Variants in HS2ST1 observed in about 807,000 individuals in gnomAD.
The protein encoded by HS2ST1 is heparan sulfate 2-O-sulfotransferase 1, also known as 2-O-sulfotransferase.
Under a neutral mutation model 42.9 loss-of-function variants are expected in HS2ST1, and 18 were observed. That is an observed-to-expected ratio of 0.42 (90% CI 0.29 to 0.62). The LOEUF is 0.62. Among genes scored for constraint, HS2ST1 ranks in the 20% least tolerant of loss-of-function variants. The pLI, the probability that HS2ST1 is intolerant of heterozygous loss-of-function variation, is 0.21. For synonymous variants in HS2ST1, 146 were observed against 152.9 expected (o/e 0.95, Z 0.33); for missense variants, 334 against 433.8 (o/e 0.77, Z 2.04).
At chr1:87,078,322 T>G (rs1465218213) in intron 2 of HS2ST1, among the ~76,000 whole-genome samples, 1 of 152,224 alleles carries the variant, frequency 6.6e-6, no homozygotes, top group Non-Finnish European at 1.5e-5. Flanking sequence ...AACATCAGTT[T>G]AGGTCTGATT....
intron 1 of HS2ST1, among the ~76,000 whole-genome samples, chr1:86,998,462 T>C (rs1308336126): frequency 6.6e-6 from 1 of 152,234 alleles, no homozygotes; most frequent in Non-Finnish European, 1.5e-5. Context: ...AGCAATACAC[T>C]GAGCGAATTT....
At chr1:87,023,601 T>C (rs1650006622) in intron 1 of HS2ST1, among the ~76,000 whole-genome samples, 1 of 152,146 alleles carries the variant, frequency 6.6e-6, no homozygotes, top group African/African-American at 2.4e-5. Flanking sequence ...TGCCAGACTC[T>C]GAGTTCCTTA....
chr1:87,015,674 C>G (rs1649734827), intron 1 of HS2ST1, among the ~76,000 whole-genome samples: 1 of 151,628 alleles, frequency 6.6e-6, no homozygotes, highest in Non-Finnish European at 1.5e-5. Context: ...TGAGTGTTTC[C>G]TTGAAGGGCA....
At chr1:87,087,222 ACTT>A in intron 3 of HS2ST1, among the ~76,000 whole-genome samples, 1 of 152,242 alleles carries the variant, frequency 6.6e-6, no homozygotes, top group Non-Finnish European at 1.5e-5. Context: ...TTTCAAAAAC[ACTT>A]CTTCAGCAAT....
At chr1:86,926,283 A>G (rs1660418294) in intron 1 of HS2ST1, among the ~76,000 whole-genome samples, 1 of 152,162 alleles carries the variant, frequency 6.6e-6, no homozygotes, top group African/African-American at 2.4e-5. Flanking sequence ...TAACACATAT[A>G]CACTGAGAGG....
intron 1 of HS2ST1, among the ~76,000 whole-genome samples, chr1:87,046,999 C>T (rs1045922021): frequency 1.2e-4 from 18 of 151,654 alleles, no homozygotes; most frequent in South Asian, 6.2e-4. Flanking sequence ...CAAGCCACTG[C>T]GCCCAGCCTA....
At chr1:87,016,333 A>G (rs1321541531) in intron 1 of HS2ST1, among the ~76,000 whole-genome samples, 1 of 152,196 alleles carries the variant, frequency 6.6e-6, no homozygotes, top group African/African-American at 2.4e-5. Context: ...TTCACCTCCC[A>G]TTAGAAACCT....
At chr1:86,963,698 GGCAGAGGGGCT>G in intron 1 of HS2ST1, among the ~76,000 whole-genome samples, 1 of 151,940 alleles carries the variant, frequency 6.6e-6, no homozygotes, top group Non-Finnish European at 1.5e-5. Context: ...GTGACAGCCG[GGCAGAGGGGCT>G]TCTCACTTCC....
intron 4 of HS2ST1, among the ~76,000 whole-genome samples, chr1:87,095,720 A>C (rs984660735): frequency 1.3e-5 from 2 of 152,086 alleles, no homozygotes; most frequent in African/African-American, 4.8e-5. Flanking sequence ...GGATTGCCCA[A>C]AGAGCTTTTG....
rs1652370592 is a variant in HS2ST1 at position 87,108,167 on chromosome 1, C to A, written c.*3471C>A. On this transcript the variant is annotated 3_prime_UTR_variant, in exon 7 of 7. Coordinates refer to ENST00000370550, the MANE Select transcript of HS2ST1 (RefSeq NM_012262.4). ...AGAAAACAGTTTGTAGACAATGATT[C>A]TTTTTTAATAAAATCAAATAATTCT... 6.6e-6 allele frequency: 1 copy of A among 151,938 alleles called. No individual in the cohort carries two copies. Among genetic ancestry groups the A allele is most frequent in the Admixed American group, 6.6e-5 (1 of 15,236 alleles). The allele number at this position is 151,938 out of a possible 1,614,324, so 9.4% of individuals were successfully genotyped here.
chr1:87,025,234 G>A (rs1650054665), intron 1 of HS2ST1, among the ~76,000 whole-genome samples: 2 of 152,228 alleles, frequency 1.3e-5, no homozygotes, highest in South Asian at 4.1e-4. Context: ...CTGAGGAGAT[G>A]GTCCTGCCTG....
rs560819094 is a variant in HS2ST1 at position 87,025,406 on chromosome 1, A to G, written c.125-47528A>G. Reference sequence around the variant, plus strand: ...TTCTAGTCTCCCTCTAGTGTTCCTTATTGGCAGAACCTAGCAGGAAGCCAG... The same window carrying G: ...TTCTAGTCTCCCTCTAGTGTTCCTTGTTGGCAGAACCTAGCAGGAAGCCAG... On this transcript the variant is annotated intron_variant, in intron 1 of 6. Transcript: ENST00000370550. Among the ~76,000 whole-genome samples, 101 of 152,314 alleles carry G rather than the reference A, an allele frequency of 6.6e-4. 1 individual carries two copies. The highest frequency in any genetic ancestry group is 6.8e-3 in the Middle Eastern group (2 of 294).
At chr1:87,004,408 A>G (rs917810728) in intron 1 of HS2ST1, among the ~76,000 whole-genome samples, 1 of 152,088 alleles carries the variant, frequency 6.6e-6, no homozygotes, top group African/African-American at 2.4e-5. Context: ...ATGAACAAAT[A>G]TATATATAAG....
chr1:86,996,121 G>A (rs578104721), intron 1 of HS2ST1, among the ~76,000 whole-genome samples: 111 of 152,126 alleles, frequency 7.3e-4, no homozygotes, highest in Non-Finnish European at 1.1e-3. Flanking sequence ...TGCAGAAAAG[G>A]AAAACGAAAT....
intron 1 of HS2ST1, among the ~76,000 whole-genome samples, chr1:86,979,397 C>G (rs13375096): frequency 0.019 from 2,959 of 152,218 alleles, 48 homozygotes; most frequent in African/African-American, 0.035. Flanking sequence ...AACCACTGTT[C>G]TATCTCTGTA....
chr1:86,946,726 A>AAAATATG (rs1331463227), intron 1 of HS2ST1, among the ~76,000 whole-genome samples: 1 of 152,216 alleles, frequency 6.6e-6, no homozygotes, highest in Non-Finnish European at 1.5e-5. Context: ...AGGTGTCTAG[A>AAAATATG]AAATATGTAG....
chr1:86,941,500 C>T (rs538952591), intron 1 of HS2ST1, among the ~76,000 whole-genome samples: 1 of 151,926 alleles, frequency 6.6e-6, no homozygotes, highest in Non-Finnish European at 1.5e-5. Context: ...AGCCGGGCAC[C>T]GTGGCTCACA....
At chr1:86,961,043 TAAAC>T (rs959912013) in intron 1 of HS2ST1, among the ~76,000 whole-genome samples, 9 of 152,024 alleles carry the variant, frequency 5.9e-5, no homozygotes, top group African/African-American at 1.7e-4. Flanking sequence ...GGTTAATGGA[TAAAC>T]AAACTGTGGT....
chr1:87,102,873 G>T (rs1475143181), intron 5 of HS2ST1, among the ~76,000 whole-genome samples: 2 of 152,078 alleles, frequency 1.3e-5, no homozygotes, highest in Non-Finnish European at 2.9e-5. Flanking sequence ...GTGCTAAAAA[G>T]AACCCAAAAG....
Sources: allele counts gnomAD v4.1 joint callset (sites outside exome capture counted in the v4.1 genomes callset), GRCh38; gene constraint gnomAD v4.1.1; transcripts MANE v1.5; gene names NCBI Gene and HGNC (gene_info 2026-07-23, HGNC 2026-07-21).